DPP6: variants seen among roughly 807,000 people sequenced by gnomAD.
DPP6 encodes the protein dipeptidyl peptidase like 6.
Under a neutral mutation model 122.6 loss-of-function variants are expected in DPP6, and 69 were observed. The ratio of observed to expected loss-of-function variants is 0.56; its 90% CI spans 0.46 to 0.69. DPP6 has a LOEUF of 0.69. Among genes scored for constraint, DPP6 ranks in the 30% least tolerant of loss-of-function variants. The pLI is 0.00. For synonymous variants in DPP6, 418 were observed against 433.1 expected, an observed-to-expected ratio of 0.97 and a Z score of 0.43; for missense variants, 928 against 1,116.9, an observed-to-expected ratio of 0.83 and a Z score of 2.41.
At chr7:153,982,607 TGGA>T (rs1289677620) in intron 1 of DPP6, among the ~76,000 whole-genome samples, 1 of 152,042 alleles carries the variant, frequency 6.6e-6, no homozygotes, top group African/African-American at 2.4e-5. Flanking sequence ...TGTGATCCTT[TGGA>T]GGAGAAGAGG....
At chr7:154,840,497 T>C (rs1801435916) in intron 16 of DPP6, among the ~76,000 whole-genome samples, 1 of 152,204 alleles carries the variant, frequency 6.6e-6, no homozygotes, top group East Asian at 1.9e-4. Flanking sequence ...CCATGCTCAC[T>C]CTGTTGATGA....
intron 1 of DPP6, among the ~76,000 whole-genome samples, chr7:154,411,006 A>G (rs1816549082): frequency 6.6e-6 from 1 of 152,186 alleles, no homozygotes; most frequent in African/African-American, 2.4e-5. Flanking sequence ...TCCCTGCCCC[A>G]ACTCCGTGAA....
chr7:153,821,143 T>G, the DPP6 span, among the ~76,000 whole-genome samples: 1 of 152,310 alleles, frequency 6.6e-6, no homozygotes, highest in African/African-American at 2.4e-5. Flanking sequence ...AATAATTACA[T>G]AATTAATCAC....
chr7:154,337,798 A>G (rs1809559968), intron 1 of DPP6, among the ~76,000 whole-genome samples: 1 of 152,218 alleles, frequency 6.6e-6, no homozygotes, highest in Admixed American at 6.5e-5. Flanking sequence ...GAGAAGGTGG[A>G]TAAGAGAGAC....
At chr7:154,017,699 TA>T (rs1299925458) in intron 1 of DPP6, among the ~76,000 whole-genome samples, 1 of 86,726 alleles carries the variant, frequency 1.2e-5, no homozygotes. Flanking sequence ...GCCCTTGTCC[TA>T]AAAAAAATAA....
At chr7:154,544,608 G>C (rs1423069199) in intron 4 of DPP6, among the ~76,000 whole-genome samples, 1 of 152,150 alleles carries the variant, frequency 6.6e-6, no homozygotes, top group Non-Finnish European at 1.5e-5. Context: ...TCAGCACTGG[G>C]GTCATGACTT....
chr7:154,409,841 G>A (rs1349111748), intron 1 of DPP6, among the ~76,000 whole-genome samples: 1 of 152,200 alleles, frequency 6.6e-6, no homozygotes, highest in East Asian at 1.9e-4. Flanking sequence ...CTGTAGCAGT[G>A]CTGGCTGGGA....
upstream of DPP6, among the ~76,000 whole-genome samples, chr7:153,884,033 T>G (rs1419256019): frequency 6.6e-6 from 1 of 152,204 alleles, no homozygotes; most frequent in Non-Finnish European, 1.5e-5. Context: ...ATATAAACTT[T>G]AAGTTCTAGG....
intron 1 of DPP6, among the ~76,000 whole-genome samples, chr7:154,074,112 G>GATATATATAGATATCTATATAGAGAGAT (rs1554453922): frequency 2.5e-4 from 10 of 40,566 alleles, no homozygotes; most frequent in African/African-American, 1.0e-3. Context: ...GAGATAGAGA[G>GATATATATAGATATCTATATAGAGAGAT]ATATATATAG....
chr7:154,167,858 C>G (rs1797333640), intron 1 of DPP6, among the ~76,000 whole-genome samples: 1 of 152,184 alleles, frequency 6.6e-6, no homozygotes, highest in Admixed American at 6.5e-5. Context: ...TACAAAATGT[C>G]AGGCTCCCAG....
intron 1 of DPP6, among the ~76,000 whole-genome samples, chr7:154,182,052 G>A (rs1459984610): frequency 2.6e-5 from 4 of 152,126 alleles, no homozygotes; most frequent in South Asian, 2.1e-4. Flanking sequence ...GTGCCTGGCC[G>A]AAAATGCATC....
chr7:154,758,965 A>G (rs2131502193), intron 8 of DPP6, among the ~76,000 whole-genome samples: 1 of 152,274 alleles, frequency 6.6e-6, no homozygotes, highest in South Asian at 2.1e-4. Context: ...GCGTTTGTCT[A>G]TGGATTTTCC....
chr7:154,826,641 G>A (rs1294635027), intron 16 of DPP6, among the ~76,000 whole-genome samples: 2 of 152,182 alleles, frequency 1.3e-5, no homozygotes, highest in Non-Finnish European at 2.9e-5. Flanking sequence ...CAACAGCAAC[G>A]ACAAAGCCTA....
At position 154,282,551 on chromosome 7, in the gene DPP6, AT is replaced by A. The variant is rs1324372781; in HGVS notation, c.244-163662del. On this transcript the variant is annotated intron_variant, in intron 1 of 25. Coordinates refer to ENST00000377770, the MANE Select transcript of DPP6 (RefSeq NM_130797.4). This position sits in a 1 kb window ranked among gnomAD's most constrained non-coding sequence, Gnocchi z 4.8. ...GGGCACAGGTCTTCTGTTAGACTCA[AT>A]GGTGGGAAGGGGATGGGATGCAGCC... Among the ~76,000 whole-genome samples, 4 of 152,154 alleles carry A rather than the reference AT, an allele frequency of 2.6e-5. No homozygotes were observed. The highest frequency in any genetic ancestry group is 5.9e-5 in the Non-Finnish European group (4 of 68,026).
intron 1 of DPP6, among the ~76,000 whole-genome samples, chr7:154,215,689 G>T (rs958917677): frequency 1.3e-5 from 2 of 152,230 alleles, no homozygotes; most frequent in Admixed American, 6.5e-5. Context: ...TTTTGGAAAT[G>T]CAGCATCTCA....
the DPP6 span, among the ~76,000 whole-genome samples, chr7:153,837,657 A>G: frequency 6.6e-6 from 1 of 151,972 alleles, no homozygotes; most frequent in Non-Finnish European, 1.5e-5. Context: ...TCAAATAACA[A>G]TGCCCTTTTC....
intron 7 of DPP6, among the ~76,000 whole-genome samples, chr7:154,722,775 C>T (rs376691994): frequency 6.6e-6 from 1 of 152,056 alleles, no homozygotes; most frequent in African/African-American, 2.4e-5. Flanking sequence ...ACAAGAATCT[C>T]AGGAACTCAG....
At chr7:154,535,427 T>C (rs1373415706) in intron 3 of DPP6, among the ~76,000 whole-genome samples, 2 of 152,016 alleles carry the variant, frequency 1.3e-5, no homozygotes, top group East Asian at 3.9e-4. Context: ...CTGGGGTACA[T>C]GTGCAGAATG....
intron 6 of DPP6, among the ~76,000 whole-genome samples, chr7:154,655,135 C>T (rs891216769): frequency 2.0e-5 from 3 of 152,170 alleles, no homozygotes; most frequent in Admixed American, 1.3e-4. Context: ...TATGATTAGA[C>T]ACTGAGAATG....
Sources: allele counts gnomAD v4.1 joint callset (sites outside exome capture counted in the v4.1 genomes callset), GRCh38; gene constraint gnomAD v4.1.1; non-coding constraint Gnocchi (gnomAD v3.1); transcripts MANE v1.5; gene names NCBI Gene and HGNC (gene_info 2026-07-23, HGNC 2026-07-21).